The following FAM186A variants were observed in gnomAD, a reference collection of about 807,000 sequenced individuals.
FAM186A encodes the protein protein FAM186A.
Under a neutral mutation model 216.8 loss-of-function variants are expected in FAM186A, and 163 were observed. The ratio of observed to expected loss-of-function variants is 0.75; its 90% CI spans 0.66 to 0.86. The LOEUF is 0.86. FAM186A is among the 40% of genes least tolerant of loss of function. FAM186A has a pLI of 0.00. For missense variants in FAM186A, 2,184 were observed against 2,746.2 expected (o/e 0.80, Z 4.58); for synonymous variants, 805 against 1,025.3 (o/e 0.79, Z 4.10).
intron 1 of FAM186A, among the ~76,000 whole-genome samples, chr12:50,369,541 A>G (rs1327346515): frequency 6.6e-6 from 1 of 152,096 alleles, no homozygotes; most frequent in African/African-American, 2.4e-5. Context: ...CAAAGTTAAA[A>G]ACATTTGTTT....
intron 4 of FAM186A, among the ~76,000 whole-genome samples, chr12:50,344,426 T>C (rs1942793116): frequency 6.6e-6 from 1 of 152,160 alleles, no homozygotes; most frequent in Admixed American, 6.6e-5. Flanking sequence ...CTGCATCCAT[T>C]TGCTGCAAAG....
Position 50,353,774 on chromosome 12 carries a change from C to T in FAM186A, c.3058G>A (p.Val1020Ile). 1.3e-6 allele frequency: 2 copies of T among 1,551,574 alleles called. No homozygotes were observed. Among genetic ancestry groups the T allele is most frequent in the Non-Finnish European group, 1.7e-6 (2 of 1,146,942 alleles). Residue 1020 changes from valine to isoleucine, a missense_variant, in exon 4 of 8, where the codon GTA becomes ATA. By Grantham distance (29) the Val-to-Ile change is conservative (BLOSUM62 3). Coordinates refer to ENST00000327337, the MANE Select transcript of FAM186A (RefSeq NM_001145475.3). ...TCTTTTCCTTCATATGACCGCTGTA[C>T]ATCTTTCAATACACTCTTCCACCTG... ...SPRWKSVLKD[V>I]QRSYEGKEFQ...
At chr12:50,366,027 C>T (rs1166262988) in intron 1 of FAM186A, 21 of 758,322 alleles carry the variant, frequency 2.8e-5, no homozygotes, top group Admixed American at 5.2e-5. Flanking sequence ...AGCCAAATCT[C>T]GCCAAGTAGG....
rs1942972640 is a variant in FAM186A, at chr12:50,355,997, A to T, written c.835T>A (p.Leu279Ile). ...GAACTTTGGAAGTTAACACATTTTA[A>T]TTCATCATTTAGCATACTCAAAGCT... ...STALSMLNDE[L>I]KCVNFQSSTV... Residue 279 changes from leucine (L) to isoleucine (I), a missense_variant, in exon 4 of 8, where the codon TTA (leucine) becomes ATA (isoleucine). By Grantham distance (5) the Leu-to-Ile change is conservative (BLOSUM62 2). Transcript: ENST00000327337. The T allele has an allele frequency of 1.3e-6, 2 of 1,551,478 alleles. No individual in the cohort carries two copies.
chr12:50,361,324 G>A (rs1056075052), intron 2 of FAM186A, among the ~76,000 whole-genome samples: 15 of 145,238 alleles, frequency 1.0e-4, no homozygotes, highest in East Asian at 2.1e-4. Context: ...TCAGCCTCCC[G>A]AGTAGCTGGG....
intron 1 of FAM186A, among the ~76,000 whole-genome samples, chr12:50,386,948 TC>T (rs1943310324): frequency 6.6e-6 from 1 of 152,130 alleles, no homozygotes; most frequent in Non-Finnish European, 1.5e-5. Flanking sequence ...AGTTTTTTTT[TC>T]TATTCTATTT....
rs1173622118 is a variant in FAM186A at position 50,353,522 on chromosome 12, C to A, written c.3310G>T (p.Ala1104Ser). ...AQGITLTLQQ[A>S]QELGIPLTPQ... The stretch of plus-strand genomic sequence containing the variant: ...GTGAGAGGGATCCCTAGTTCCTGGG[C>A]CTGCTGAAGGGTGAGCGTGATCCCC... The change falls in exon 4 of 8, where the codon GCC becomes TCC. Residue 1104 changes from alanine to serine, a missense_variant. Physicochemically the swap from Ala to Ser is moderately conservative, Grantham distance 99. Transcript: ENST00000327337. 2 of 1,538,328 alleles carry A rather than the reference C, an allele frequency of 1.3e-6. No individual in the cohort carries two copies. The highest frequency in any genetic ancestry group is 1.2e-5 in the South Asian group (1 of 81,448).
At position 50,355,969 on chromosome 12, in the gene FAM186A, G is replaced by A; in HGVS notation, c.863C>T (p.Thr288Ile). Reference sequence around the variant, plus strand: ...TTCACTTGTCTCATGTGCATACACAGTGGAACTTTGGAAGTTAACACATTT... The same window carrying A: ...TTCACTTGTCTCATGTGCATACACAATGGAACTTTGGAAGTTAACACATTT... Reference protein sequence around the residue: ...ELKCVNFQSSTVYAHETSEAE... With the variant: ...ELKCVNFQSSIVYAHETSEAE... Residue 288 changes from threonine (T) to isoleucine (I), a missense_variant, in exon 4 of 8, where the codon ACT becomes ATT. By Grantham distance (89) the Thr-to-Ile change is moderately conservative (BLOSUM62 -1). Around this residue, in one of 7 missense-constraint regions of FAM186A, gnomAD observed 1,132 missense variants for 1,263.4 expected, o/e 0.90. Coordinates refer to ENST00000327337, the MANE Select transcript of FAM186A (RefSeq NM_001145475.3). 1 of 1,551,564 alleles carries A rather than the reference G, an allele frequency of 6.4e-7. No individual in the cohort carries two copies. The highest frequency in any genetic ancestry group is 8.7e-7 in the Non-Finnish European group (1 of 1,146,978).
At chr12:50,340,509 A>C (rs2138763854) in intron 4 of FAM186A, among the ~76,000 whole-genome samples, 1 of 152,140 alleles carries the variant, frequency 6.6e-6, no homozygotes, top group South Asian at 2.1e-4. Flanking sequence ...CAGGAGTTCA[A>C]GACCAGTCTG....
rs1321084606 is a variant in FAM186A at position 50,353,391 on chromosome 12, G to A, written c.3441C>T (p.Leu1147=). Residue 1147 remains leucine, a synonymous_variant, in exon 4 of 8, where the codon CTC becomes CTT. Coordinates refer to ENST00000327337, the MANE Select transcript of FAM186A (RefSeq NM_001145475.3). ...CCGGGGCCTGGTCCTGCTGAGGGGT[G>A]AGAGTGATCCCTTGAACCTGGGTCT... The part of the protein sequence containing the change: ...PQQTQVQGIT[L]TPQQDQAPGI... 9.8e-6 allele frequency: 15 copies of A among 1,533,412 alleles called. No homozygotes were observed. The highest frequency in any genetic ancestry group is 4.1e-5 in the Admixed American group (2 of 48,890). 95.0% of individuals were successfully genotyped at this position (1,533,412 alleles called of 1,614,324 possible).
intron 4 of FAM186A, among the ~76,000 whole-genome samples, chr12:50,344,297 GTC>G (rs1417066685): frequency 6.6e-6 from 1 of 152,068 alleles, no homozygotes; most frequent in Non-Finnish European, 1.5e-5. Context: ...GGTCCCCAGT[GTC>G]TGTTGTTCCC....
intron 1 of FAM186A, among the ~76,000 whole-genome samples, chr12:50,375,665 C>T (rs1240959472): frequency 1.4e-5 from 2 of 147,878 alleles, no homozygotes; most frequent in Non-Finnish European, 3.0e-5. Context: ...TGCAGTGAGC[C>T]GAGATTGTGC....
At chr12:50,376,649 G>A (rs570512232) in intron 1 of FAM186A, among the ~76,000 whole-genome samples, 7 of 152,122 alleles carry the variant, frequency 4.6e-5, no homozygotes, top group African/African-American at 2.4e-5. Flanking sequence ...CCATCTGATC[G>A]GCCAAAAGGC....
chr12:50,367,941 T>C (rs1592622554), intron 1 of FAM186A, among the ~76,000 whole-genome samples: 1 of 151,502 alleles, frequency 6.6e-6, no homozygotes, highest in Non-Finnish European at 1.5e-5. Context: ...AGGTTGGGAG[T>C]TCAAGACCAG....
At position 50,354,440 on chromosome 12, in the gene FAM186A, C is replaced by A. The variant is rs1300042242; in HGVS notation, c.2392G>T (p.Glu798Ter). 2 of 1,551,502 alleles carry A rather than the reference C, an allele frequency of 1.3e-6. No individual in the cohort carries two copies. Among genetic ancestry groups the A allele is most frequent in the Non-Finnish European group, 8.7e-7 (1 of 1,147,004 alleles). The change falls in exon 4 of 8, where the codon GAA becomes TAA. Residue 798 changes from glutamate (E) to a stop codon, truncating the protein, a stop_gained. Coordinates refer to ENST00000327337, the MANE Select transcript of FAM186A (RefSeq NM_001145475.3). LOFTEE classifies it high-confidence loss of function. The part of the protein sequence containing the change: ...INNLIQMILA[E>*]IESERDIPTV... ...GGAATATCTCTTTCACTTTCTATTTCAGCCAAGATCATTTGTATTAAATTG... is the reference window on the plus strand; with the variant it reads ...GGAATATCTCTTTCACTTTCTATTTAAGCCAAGATCATTTGTATTAAATTG...
Position 50,354,799 on chromosome 12 carries a change from G to A in FAM186A, c.2033C>T (p.Ala678Val). The change falls in exon 4 of 8, where the codon GCT becomes GTT. Residue 678 changes from alanine (A) to valine (V), a missense_variant. Ala to Val is a moderately conservative substitution (Grantham distance 64, BLOSUM62 0). Transcript: ENST00000327337. ...GTTATCAATTTTCTGTTTTAGGAAAGCCATTATGGCTTCCTGAAATTCTTC... is the reference window on the plus strand; with the variant it reads ...GTTATCAATTTTCTGTTTTAGGAAAACCATTATGGCTTCCTGAAATTCTTC... ...NLEEFQEAIM[A>V]FLKQKIDNIG... The A allele has an allele frequency of 6.5e-7, 1 of 1,533,984 alleles. No individual in the cohort carries two copies. The highest frequency in any genetic ancestry group is 8.8e-7 in the Non-Finnish European group (1 of 1,142,826).
At chr12:50,331,090 T>C (rs1942652092) in intron 6 of FAM186A, among the ~76,000 whole-genome samples, 1 of 152,200 alleles carries the variant, frequency 6.6e-6, no homozygotes, top group Non-Finnish European at 1.5e-5. Flanking sequence ...GAGAAGATAA[T>C]GCTTCTAAGT....
rs1565886564 is a variant in FAM186A at position 50,354,330 on chromosome 12, C to CA, written c.2501dup (p.Met834IlefsTer22). On this transcript the variant is annotated frameshift_variant, in exon 4 of 8. Coordinates refer to ENST00000327337, the MANE Select transcript of FAM186A (RefSeq NM_001145475.3). LOFTEE classifies it high-confidence loss of function. ...ACTGCTGTTTGAGACTCATGCCAGA[C>CA]ATTTGTTCTTGACCCTCTTGCAAAT... 6.4e-7 allele frequency: 1 copy of CA among 1,551,724 alleles called. No individual in the cohort carries two copies. Among genetic ancestry groups the CA allele is most frequent in the South Asian group, 1.2e-5 (1 of 84,060 alleles).
At chr12:50,360,243 CAAAAAA>C (rs59070341) in intron 3 of FAM186A, among the ~76,000 whole-genome samples, 9 of 132,066 alleles carry the variant, frequency 6.8e-5, no homozygotes, top group Non-Finnish European at 8.2e-5. Flanking sequence ...TACCCTGTCT[CAAAAAA>C]AAAAAAAAAA....
Sources: gnomAD v4.1 joint callset for allele counts (sites outside exome capture counted in the v4.1 genomes callset) on GRCh38, gnomAD v4.1.1 for gene constraint, gnomAD v4.1.1 regional missense constraint, MANE v1.5 for transcripts, NCBI Gene and HGNC (gene_info 2026-07-23, HGNC 2026-07-21) for gene names.